INPP5A: variants seen among roughly 807,000 people sequenced by gnomAD.
INPP5A encodes inositol polyphosphate-5-phosphatase A.
In INPP5A, 14 loss-of-function variants were observed where a neutral mutation model predicts 65.2. The ratio of observed to expected loss-of-function variants is 0.21; its 90% confidence interval spans 0.14 to 0.34. The LOEUF (loss-of-function observed/expected upper bound fraction) is 0.34. INPP5A is among the 10% of genes least tolerant of loss of function. The pLI is 1.00. For missense variants in INPP5A, 431 were observed against 545.6 expected, an observed-to-expected ratio of 0.79 and a Z score of 2.09; for synonymous variants, 207 against 208.3, an observed-to-expected ratio of 0.99 and a Z score of 0.05.
At chr10:132,731,215 C>T (rs548039178) in intron 9 of INPP5A, among the ~76,000 whole-genome samples, 22 of 152,184 alleles carry the variant, frequency 1.4e-4, no homozygotes, top group African/African-American at 4.3e-4. Flanking sequence ...ACAGAGAAGG[C>T]GGCCCTGGAG....
rs758706852 is a variant in INPP5A at position 132,780,927 on chromosome 10, AC to A, written c.1158+11del. The A allele has an allele frequency of 9.7e-6, 15 of 1,545,062 alleles. No individual in the cohort carries two copies. Among genetic ancestry groups the A allele is most frequent in the Non-Finnish European group, 1.3e-5 (15 of 1,138,468 alleles). The stretch of plus-strand genomic sequence containing the variant: ...CATGGGAGACCACAAGGTGACATAG[AC>A]TGAGGTCCAGGGGCCAGGCTGGGGG... On this transcript the variant is annotated intron_variant, in intron 14 of 15. Coordinates refer to ENST00000368594, the MANE Select transcript of INPP5A (RefSeq NM_005539.5).
intron 9 of INPP5A, among the ~76,000 whole-genome samples, chr10:132,748,822 G>A (rs537535173): frequency 7.7e-4 from 118 of 152,302 alleles, no homozygotes; most frequent in African/African-American, 2.8e-3. Context: ...ACCAGAGGCC[G>A]CAACCCTGAC....
chr10:132,637,548 G>T lies in INPP5A; in HGVS notation c.118-8320G>T, dbSNP rs932145582. The stretch of plus-strand genomic sequence containing the variant: ...TCCCACGGTCACTTCTTTCTCTCAC[G>T]CTGTTTTCTCTGTGCGATTTTGCTT... On this transcript the variant is annotated intron_variant, in intron 2 of 15. Transcript: ENST00000368594. The surrounding 1 kb of genome is among the most constrained non-coding windows in gnomAD (Gnocchi z 4.1). 6.6e-6 allele frequency among the ~76,000 whole-genome samples: 1 copy of T among 151,964 alleles called. No homozygotes were observed.
chr10:132,769,096 G>T (rs1846905239), intron 12 of INPP5A, among the ~76,000 whole-genome samples: 2 of 152,260 alleles, frequency 1.3e-5, no homozygotes, highest in African/African-American at 4.8e-5. Flanking sequence ...GCCAGGAAAT[G>T]TGTCATTGGC....
chr10:132,782,150 C>T lies in INPP5A; in HGVS notation c.*121C>T, dbSNP rs1174984438. 36 of 1,492,990 alleles carry T rather than the reference C, an allele frequency of 2.4e-5. No homozygotes were observed. The East Asian group carries it at 6.3e-4, about 26-fold the overall frequency. The allele number at this position is 1,492,990 out of a possible 1,614,324, so 92.5% of individuals were successfully genotyped here. ...ACCCGCCCAAGCGCCACCTGCTAGACGGCCAGCCCCACACTTCGCTTCAGC... is the reference window on the plus strand; with the variant it reads ...ACCCGCCCAAGCGCCACCTGCTAGATGGCCAGCCCCACACTTCGCTTCAGC... On this transcript the variant is annotated 3_prime_UTR_variant, in exon 16 of 16. Coordinates refer to ENST00000368594, the MANE Select transcript of INPP5A (RefSeq NM_005539.5). This position sits in a 1 kb window ranked among gnomAD's most constrained non-coding sequence, Gnocchi z 4.4.
At chr10:132,629,871 C>G (rs1474144714) in intron 2 of INPP5A, among the ~76,000 whole-genome samples, 1 of 151,982 alleles carries the variant, frequency 6.6e-6, no homozygotes, top group Non-Finnish European at 1.5e-5. Context: ...GGAAGCTGCC[C>G]TCCAGGGAAA....
chr10:132,686,689 A>G (rs1845135775), intron 4 of INPP5A, among the ~76,000 whole-genome samples: 2 of 152,254 alleles, frequency 1.3e-5, no homozygotes, highest in South Asian at 4.1e-4. Context: ...ATTTATTGCA[A>G]ACTTTATAAT....
chr10:132,735,883 G>C (rs576213646), intron 9 of INPP5A, among the ~76,000 whole-genome samples: 1 of 152,218 alleles, frequency 6.6e-6, no homozygotes, highest in Non-Finnish European at 1.5e-5. Context: ...AGACCTGCTT[G>C]TGATTTTTGG....
At position 132,616,913 on chromosome 10, in the gene INPP5A, C is replaced by T. The variant is rs1321242180; in HGVS notation, c.117+8957C>T. 2.0e-5 allele frequency among the ~76,000 whole-genome samples: 3 copies of T among 152,170 alleles called. No homozygotes were observed. In the South Asian group the frequency reaches 6.2e-4, roughly 32 times the overall value. On this transcript the variant is annotated intron_variant, in intron 2 of 15. Coordinates refer to ENST00000368594, the MANE Select transcript of INPP5A (RefSeq NM_005539.5). The surrounding 1 kb of genome is among the most constrained non-coding windows in gnomAD (Gnocchi z 4.9). ...GGATGTTTGGGGGTTGTGGAGCCAT[C>T]GTGCTGGCCAGTTGCTTTGCTGCGC...
intron 4 of INPP5A, among the ~76,000 whole-genome samples, chr10:132,665,254 G>A (rs1022954027): frequency 4.6e-5 from 7 of 152,154 alleles, no homozygotes; most frequent in Admixed American, 2.6e-4. Context: ...ACCCCGCAGC[G>A]GCCACTGGCT....
intron 1 of INPP5A, among the ~76,000 whole-genome samples, chr10:132,597,545 T>A (rs921037795): frequency 2.2e-4 from 34 of 152,252 alleles, no homozygotes; most frequent in Admixed American, 1.8e-3. Context: ...CTTACACATC[T>A]TCAGGAATGC....
chr10:132,589,460 G>C (rs537415262), intron 1 of INPP5A, among the ~76,000 whole-genome samples: 3 of 152,358 alleles, frequency 2.0e-5, no homozygotes, highest in African/African-American at 7.2e-5. Context: ...TAGGGGCCGC[G>C]GTCCAAGCCG....
chr10:132,584,408 T>G (rs2071522926), intron 1 of INPP5A, among the ~76,000 whole-genome samples: 1 of 152,252 alleles, frequency 6.6e-6, no homozygotes, highest in African/African-American at 2.4e-5. Context: ...CAAATTTCTT[T>G]AATAGATAAA....
At chr10:132,548,977 G>A (rs1331918130) in intron 1 of INPP5A, among the ~76,000 whole-genome samples, 1 of 151,912 alleles carries the variant, frequency 6.6e-6, no homozygotes, top group East Asian at 1.9e-4. Flanking sequence ...ATTTTTTGTA[G>A]GTATGGGGTC....
Position 132,782,607 on chromosome 10 carries a change from TATATATAA to T in INPP5A, c.*586_*593del, listed in dbSNP as rs1847186861. 6.7e-6 allele frequency: 1 copy of T among 149,564 alleles called. No individual in the cohort carries two copies. The highest frequency in any genetic ancestry group is 1.5e-5 in the Non-Finnish European group (1 of 67,498). 9.3% of individuals were successfully genotyped at this position (149,564 alleles called of 1,614,324 possible). On this transcript the variant is annotated 3_prime_UTR_variant, in exon 16 of 16. Transcript: ENST00000368594. The surrounding 1 kb of genome is among the most constrained non-coding windows in gnomAD (Gnocchi z 4.4). ...CTTTCCATTTTTATATATATATAAA[TATATATAA>T]ATATATACTTTTTAAAAATAATTTA...
At chr10:132,756,834 C>G (rs1026406187) in intron 11 of INPP5A, among the ~76,000 whole-genome samples, 2 of 152,232 alleles carry the variant, frequency 1.3e-5, no homozygotes, top group African/African-American at 2.4e-5. Flanking sequence ...GTGGTTGCCC[C>G]TGAGGGCCTT....
At position 132,782,295 on chromosome 10, in the gene INPP5A, A is replaced by G; in HGVS notation, c.*266A>G. 2.7e-6 allele frequency: 1 copy of G among 365,672 alleles called. No homozygotes were observed. The highest frequency in any genetic ancestry group is 5.2e-6 in the Non-Finnish European group (1 of 190,666). 22.7% of individuals were successfully genotyped at this position (365,672 alleles called of 1,614,324 possible). A position where few individuals can be genotyped will look rare whatever the true frequency, so the allele number is the denominator to read the frequency against. On this transcript the variant is annotated 3_prime_UTR_variant, in exon 16 of 16. Coordinates refer to ENST00000368594, the MANE Select transcript of INPP5A (RefSeq NM_005539.5). The surrounding 1 kb of genome is among the most constrained non-coding windows in gnomAD (Gnocchi z 4.4). ...AATAAGTCACAGTCCTGTTGTCAAA[A>G]CTCTAATAGACAGCAAAGAGGGTCT... is the stretch of plus-strand genomic sequence containing the variant.
intron 4 of INPP5A, among the ~76,000 whole-genome samples, chr10:132,658,511 C>T (rs1282963544): frequency 6.6e-6 from 1 of 152,212 alleles, no homozygotes; most frequent in Non-Finnish European, 1.5e-5. Flanking sequence ...AAAACAATTG[C>T]CATGAGGTTA....
chr10:132,684,277 A>G (rs1455642871), intron 4 of INPP5A, among the ~76,000 whole-genome samples: 1 of 152,202 alleles, frequency 6.6e-6, no homozygotes, highest in Non-Finnish European at 1.5e-5. Flanking sequence ...TGGTGTTTTC[A>G]GAGGTCATAT....
Sources: allele counts gnomAD v4.1 joint callset (sites outside exome capture counted in the v4.1 genomes callset), GRCh38; gene constraint gnomAD v4.1.1; non-coding constraint Gnocchi (gnomAD v3.1); transcripts MANE v1.5; gene names NCBI Gene and HGNC (gene_info 2026-07-23, HGNC 2026-07-21).